The following PHACTR1 variants were observed in gnomAD, a reference collection of about 807,000 sequenced individuals.
PHACTR1 encodes RPEL repeat containing 1.
Under a neutral mutation model 69.2 loss-of-function variants are expected in PHACTR1, and 16 were observed. The ratio of observed to expected loss-of-function variants is 0.23; its 90% CI spans 0.16 to 0.35. The LOEUF is 0.35. PHACTR1 is among the 10% of genes least tolerant of loss of function. PHACTR1 has a pLI of 1.00. For synonymous variants in PHACTR1, 312 were observed against 284.5 expected, an observed-to-expected ratio of 1.10 and a Z score of -0.97; for missense variants, 510 against 734.7, an observed-to-expected ratio of 0.69 and a Z score of 3.54.
intron 6 of PHACTR1, 114 bp from the exon 7 acceptor site, chr6:13,182,405 T>A: frequency 8.2e-7 from 1 of 1,213,860 alleles, no homozygotes; most frequent in African/African-American, 1.5e-5. Flanking sequence ...GATGTTGGTT[T>A]CAGAGGCTGA....
At chr6:12,758,632 T>A (rs551827111) in intron 4 of PHACTR1, among the ~76,000 whole-genome samples, 2 of 152,280 alleles carry the variant, frequency 1.3e-5, no homozygotes, top group African/African-American at 4.8e-5. Context: ...GTGAAGGTAC[T>A]ACAGCTAATA....
intron 4 of PHACTR1, among the ~76,000 whole-genome samples, chr6:12,985,838 A>ATT (rs143286319): frequency 2.8e-5 from 4 of 145,050 alleles, no homozygotes; most frequent in African/African-American, 5.0e-5. Flanking sequence ...AAACATGCTA[A>ATT]TTTTTTTTTT....
intron 4 of PHACTR1, among the ~76,000 whole-genome samples, chr6:12,780,514 G>A (rs1169068434): frequency 1.3e-5 from 2 of 152,170 alleles, no homozygotes; most frequent in African/African-American, 4.8e-5. Context: ...TTATCACAGA[G>A]TAAATCTTTG....
intron 7 of PHACTR1, among the ~76,000 whole-genome samples, chr6:13,183,849 G>A (rs1455125858): frequency 6.6e-6 from 1 of 152,172 alleles, no homozygotes; most frequent in African/African-American, 2.4e-5. Flanking sequence ...GAATCACAGA[G>A]TTTCAATCTG....
intron 4 of PHACTR1, among the ~76,000 whole-genome samples, chr6:12,767,850 A>G (rs2127620624): frequency 6.6e-6 from 1 of 152,344 alleles, no homozygotes; most frequent in East Asian, 1.9e-4. Context: ...AAAGACATTG[A>G]TAAATCTTGT....
intron 5 of PHACTR1, among the ~76,000 whole-genome samples, chr6:13,054,292 G>GT (rs2127738322): frequency 6.6e-6 from 1 of 152,330 alleles, no homozygotes; most frequent in South Asian, 2.1e-4. Context: ...TTTTAAATAA[G>GT]TAAGGGTGTG....
chr6:12,811,565 T>C (rs1357557618), intron 4 of PHACTR1, among the ~76,000 whole-genome samples: 1 of 152,262 alleles, frequency 6.6e-6, no homozygotes, highest in African/African-American at 2.4e-5. Context: ...ATGTTTGCTA[T>C]CTTTCAATTT....
chr6:13,266,755 T>G (rs1001737284), intron 10 of PHACTR1: 1 of 152,246 alleles, frequency 6.6e-6, no homozygotes, highest in Non-Finnish European at 1.5e-5. Flanking sequence ...CTCAACTCAC[T>G]AGAACAGCAC....
chr6:12,998,613 C>A (rs919106527), intron 4 of PHACTR1, among the ~76,000 whole-genome samples: 660 of 116,006 alleles, frequency 5.7e-3, no homozygotes, highest in East Asian at 6.4e-3. Flanking sequence ...AAGACCTGGT[C>A]AAAAAAAAAA....
At chr6:13,045,376 C>A (rs1467140505) in intron 4 of PHACTR1, among the ~76,000 whole-genome samples, 1 of 152,156 alleles carries the variant, frequency 6.6e-6, no homozygotes, top group Non-Finnish European at 1.5e-5. Context: ...TCATCATCGT[C>A]ATCATCAATG....
At chr6:12,895,141 T>A (rs1784526106) in intron 4 of PHACTR1, among the ~76,000 whole-genome samples, 1 of 151,360 alleles carries the variant, frequency 6.6e-6, no homozygotes, top group African/African-American at 2.4e-5. Context: ...ATTTAACTAA[T>A]CTACTCTTGT....
chr6:12,798,068 A>ACACACACACACC (rs758442149), intron 4 of PHACTR1, among the ~76,000 whole-genome samples: 3 of 150,028 alleles, frequency 2.0e-5, no homozygotes, highest in Non-Finnish European at 3.0e-5. Flanking sequence ...ACACACACAC[A>ACACACACACACC]CCCCTACATA....
chr6:13,244,864 A>T (rs1360943346), intron 10 of PHACTR1, among the ~76,000 whole-genome samples: 1 of 152,262 alleles, frequency 6.6e-6, no homozygotes, highest in African/African-American at 2.4e-5. Context: ...AGATTAAAGT[A>T]AAGACAGGCA....
chr6:13,256,268 T>TA (rs1263530670), intron 10 of PHACTR1, among the ~76,000 whole-genome samples: 1 of 152,224 alleles, frequency 6.6e-6, no homozygotes, highest in African/African-American at 2.4e-5. Flanking sequence ...AGCGGGGCCC[T>TA]AGGCCTGGCC....
At chr6:13,219,122 G>A (rs1768198390) in intron 8 of PHACTR1, among the ~76,000 whole-genome samples, 1 of 152,154 alleles carries the variant, frequency 6.6e-6, no homozygotes, top group African/African-American at 2.4e-5. Flanking sequence ...TGTGATGAGA[G>A]GAAGGCAGTT....
At chr6:12,782,218 G>A (rs1441262510) in intron 4 of PHACTR1, among the ~76,000 whole-genome samples, 1 of 152,170 alleles carries the variant, frequency 6.6e-6, no homozygotes, top group Non-Finnish European at 1.5e-5. Context: ...CCAAGGGTTG[G>A]CAGTCAGGTG....
At chr6:13,183,278 G>A (rs956562964) in intron 7 of PHACTR1, among the ~76,000 whole-genome samples, 21 of 152,152 alleles carry the variant, frequency 1.4e-4, no homozygotes, top group Admixed American at 1.2e-3. Context: ...TTTGCAGAGC[G>A]GTCCTAATTT....
At position 13,277,998 on chromosome 6, in the gene PHACTR1, C is replaced by G. The variant is rs543699203; in HGVS notation, c.1448-270C>G. On this transcript the variant is annotated intron_variant, in intron 11 of 14. Coordinates refer to ENST00000332995, the MANE Select transcript of PHACTR1 (RefSeq NM_030948.6). ...CTGCCTTGTAGCCACATTTCTCAAC[C>G]CAGCATCTCTGCCTGGAGACCTGAA... is the stretch of plus-strand genomic sequence containing the variant. The G allele has an allele frequency of 5.0e-5, 12 of 240,744 alleles. No individual in the cohort carries two copies. The East Asian group carries it at 1.0e-3, about 21-fold the overall frequency. The allele number at this position is 240,744 out of a possible 1,614,324, so 14.9% of individuals were successfully genotyped here. A position where few individuals can be genotyped will look rare whatever the true frequency, so the allele number is the denominator to read the frequency against.
At chr6:12,738,204 G>A (rs1764548221) in intron 3 of PHACTR1, among the ~76,000 whole-genome samples, 4 of 151,968 alleles carry the variant, frequency 2.6e-5, no homozygotes, top group Admixed American at 2.0e-4. Context: ...CTTTAATTTT[G>A]TCTAACATTT....
Sources: allele counts gnomAD v4.1 joint callset (sites outside exome capture counted in the v4.1 genomes callset), GRCh38; gene constraint gnomAD v4.1.1; transcripts MANE v1.5; gene names NCBI Gene and HGNC (gene_info 2026-07-23, HGNC 2026-07-21).